Variants in INPP4B observed in about 807,000 individuals in gnomAD.
INPP4B encodes the protein inositol polyphosphate-4-phosphatase type II B.
Under a neutral mutation model 122.5 loss-of-function variants are expected in INPP4B, and 55 were observed. The ratio of observed to expected loss-of-function variants is 0.45; its 90% CI spans 0.36 to 0.56. INPP4B has a LOEUF of 0.56. Ranked by LOEUF, INPP4B falls within the 20% of genes least tolerant of loss-of-function variation. The probability of loss-of-function intolerance (pLI) is 0.00; values close to 1 mark genes in which losing one functional copy is unlikely to be tolerated. For missense variants in INPP4B, 1,000 were observed against 1,097.7 expected, an observed-to-expected ratio of 0.91 and a Z score of 1.26; for synonymous variants, 403 against 388.7, an observed-to-expected ratio of 1.04 and a Z score of -0.43.
In INPP4B at chr4:142,350,799, T is replaced by C. The variant is rs146593543; in HGVS notation, c.373-36037A>G. 7.2e-3 allele frequency among the ~76,000 whole-genome samples: 1,091 copies of C among 152,152 alleles called. 16 individuals are homozygous for C. Among genetic ancestry groups the C allele is most frequent in the African/African-American group, 0.024 (982 of 41,546 alleles). On this transcript the variant is annotated intron_variant, in intron 7 of 25. Coordinates refer to ENST00000262992, the MANE Select transcript of INPP4B (RefSeq NM_001101669.3). ...CATTGGAAAGCATTTTACATAAAGC[T>C]GTGCAAGAAATTATCTCTCAGCTCC...
chr4:142,045,425 G>C (rs1750831427), intron 25 of INPP4B, among the ~76,000 whole-genome samples: 1 of 152,038 alleles, frequency 6.6e-6, no homozygotes, highest in Non-Finnish European at 1.5e-5. Context: ...TTCTGATTAT[G>C]GTCATTGGGA....
At chr4:142,472,546 T>A (rs1168882418) in intron 2 of INPP4B, among the ~76,000 whole-genome samples, 1 of 152,148 alleles carries the variant, frequency 6.6e-6, no homozygotes, top group Admixed American at 6.5e-5. Flanking sequence ...CCCAAATGTA[T>A]CTCCAATATA....
chr4:142,572,037 T>C (rs1039816517), intron 2 of INPP4B, among the ~76,000 whole-genome samples: 1 of 152,142 alleles, frequency 6.6e-6, no homozygotes, highest in Non-Finnish European at 1.5e-5. Flanking sequence ...TGCTGCTCCA[T>C]AGACAGCCAA....
intron 21 of INPP4B, among the ~76,000 whole-genome samples, chr4:142,120,660 T>G (rs1458783164): frequency 3.9e-5 from 6 of 152,112 alleles, no homozygotes; most frequent in African/African-American, 1.4e-4. Flanking sequence ...CCAAGTCAAG[T>G]CAGCCCCCTC....
chr4:142,121,404 T>C (rs1796497834), intron 21 of INPP4B, among the ~76,000 whole-genome samples: 1 of 152,150 alleles, frequency 6.6e-6, no homozygotes, highest in Admixed American at 6.6e-5. Context: ...CCCTTTTGTA[T>C]GTTCATATGT....
chr4:142,090,937 T>C (rs1298298096), intron 23 of INPP4B, among the ~76,000 whole-genome samples: 2 of 152,040 alleles, frequency 1.3e-5, no homozygotes, highest in African/African-American at 4.8e-5. Flanking sequence ...AAAGCACAAA[T>C]TATAGAAAGA....
chr4:142,136,767 T>C (rs1210707733), intron 18 of INPP4B, among the ~76,000 whole-genome samples: 1 of 152,126 alleles, frequency 6.6e-6, no homozygotes, highest in Admixed American at 6.5e-5. Context: ...GGGAGAAAGC[T>C]TGGCAAACAA....
At chr4:142,527,308 C>A (rs1464726084) in intron 2 of INPP4B, among the ~76,000 whole-genome samples, 1 of 151,650 alleles carries the variant, frequency 6.6e-6, no homozygotes, top group Non-Finnish European at 1.5e-5. Context: ...CATACCAGAA[C>A]CTTTTTATAG....
chr4:142,501,041 C>G (rs1000798385), intron 2 of INPP4B, among the ~76,000 whole-genome samples: 3 of 152,088 alleles, frequency 2.0e-5, no homozygotes, highest in African/African-American at 7.2e-5. Context: ...ATATTTACCA[C>G]AATAAAAAAT....
At position 142,635,249 on chromosome 4, in the gene INPP4B, C is replaced by T. The variant is rs548144027; in HGVS notation, c.-191+90590G>A. 7.2e-5 allele frequency among the ~76,000 whole-genome samples: 11 copies of T among 152,262 alleles called. No homozygotes were observed. The East Asian group carries it at 1.5e-3, about 21-fold the overall frequency. Reference sequence around the variant, plus strand: ...TTGCAGAGAAAAGGGAACACTTATACACTGTTAGTGTGAGTTTAAATTAGC... The same window carrying T: ...TTGCAGAGAAAAGGGAACACTTATATACTGTTAGTGTGAGTTTAAATTAGC... On this transcript the variant is annotated intron_variant, in intron 2 of 25. Transcript: ENST00000262992.
At chr4:142,490,260 T>C (rs1024661426) in intron 2 of INPP4B, among the ~76,000 whole-genome samples, 3 of 151,864 alleles carry the variant, frequency 2.0e-5, no homozygotes, top group Admixed American at 6.6e-5. Flanking sequence ...AATTTTTATA[T>C]ATATATTTTG....
intron 2 of INPP4B, among the ~76,000 whole-genome samples, chr4:142,554,317 C>T (rs533903240): frequency 2.7e-5 from 4 of 150,156 alleles, no homozygotes; most frequent in Non-Finnish European, 5.9e-5. Context: ...TTTCCATCTC[C>T]TCCACCAACT....
intron 2 of INPP4B, chr4:142,566,298 G>T (rs17729514): frequency 0.088 from 13,370 of 152,198 alleles, 695 homozygotes; most frequent in Non-Finnish European, 0.12. Context: ...ATCTCAACCA[G>T]AGTAATGGCC....
chr4:142,213,201 T>A (rs911542718), intron 12 of INPP4B, among the ~76,000 whole-genome samples: 1 of 152,126 alleles, frequency 6.6e-6, no homozygotes, highest in African/African-American at 2.4e-5. Flanking sequence ...AGACCATAAT[T>A]CACCCACTTA....
At chr4:142,298,866 G>A (rs1318914613) in intron 9 of INPP4B, among the ~76,000 whole-genome samples, 2 of 152,014 alleles carry the variant, frequency 1.3e-5, no homozygotes, top group Non-Finnish European at 2.9e-5. Flanking sequence ...TTGTGAAGCA[G>A]AAATAAAATC....
intron 17 of INPP4B, among the ~76,000 whole-genome samples, chr4:142,157,006 C>T (rs927607845): frequency 6.6e-6 from 1 of 152,036 alleles, no homozygotes; most frequent in South Asian, 2.1e-4. Flanking sequence ...TTTAAGTGAT[C>T]AGGGAATATC....
At position 142,027,974 on chromosome 4, in the gene INPP4B, A is replaced by G. The variant is rs1737551880; in HGVS notation, c.*808T>C. ...TCATGAACTTCACAACATAAAGTTC[A>G]GGCTGATGGGAATTTTCATTTTGGG... is the stretch of plus-strand genomic sequence containing the variant. On this transcript the variant is annotated 3_prime_UTR_variant, in exon 26 of 26. Coordinates refer to ENST00000262992, the MANE Select transcript of INPP4B (RefSeq NM_001101669.3). 1 of 191,246 alleles carries G rather than the reference A, an allele frequency of 5.2e-6. No individual in the cohort carries two copies. The highest frequency in any genetic ancestry group is 1.1e-5 in the Non-Finnish European group (1 of 91,280). 11.8% of individuals were successfully genotyped at this position (191,246 alleles called of 1,614,324 possible). A position where few individuals can be genotyped will look rare whatever the true frequency, so the allele number is the denominator to read the frequency against.
chr4:142,652,973 ATAC>A (rs1241893074), intron 2 of INPP4B, among the ~76,000 whole-genome samples: 1 of 152,208 alleles, frequency 6.6e-6, no homozygotes, highest in Non-Finnish European at 1.5e-5. Context: ...ACTTCAAACT[ATAC>A]TACAAGGCTA....
chr4:142,118,474 T>C (rs150152022), intron 21 of INPP4B, among the ~76,000 whole-genome samples: 20,451 of 151,872 alleles, frequency 0.13, 1,558 homozygotes, highest in East Asian at 0.24. Context: ...GAACAGGGCC[T>C]TCAGAAATAA....
Sources: gnomAD v4.1 joint callset for allele counts (sites outside exome capture counted in the v4.1 genomes callset) on GRCh38, gnomAD v4.1.1 for gene constraint, MANE v1.5 for transcripts, NCBI Gene and HGNC (gene_info 2026-07-23, HGNC 2026-07-21) for gene names.